TSNARE1: variants seen among roughly 807,000 people sequenced by gnomAD.
TSNARE1 encodes t-SNARE domain containing 1, also known as t-SNARE domain-containing protein 1.
TSNARE1 carries 49 observed loss-of-function variants against 62.0 expected under a neutral mutation model. That is an observed-to-expected ratio of 0.79 (90% CI 0.63 to 1.00). The LOEUF (loss-of-function observed/expected upper bound fraction) is 1.00. TSNARE1 is among the 50% of genes least tolerant of loss of function. The pLI, the probability that TSNARE1 is intolerant of heterozygous loss-of-function variation, is 0.00. For synonymous variants in TSNARE1, 328 were observed against 294.4 expected (o/e 1.11, Z -1.17); for missense variants, 755 against 700.1 (o/e 1.08, Z -0.88).
At chr8:142,394,536 A>G (rs1837766214) in intron 1 of TSNARE1, among the ~76,000 whole-genome samples, 1 of 152,204 alleles carries the variant, frequency 6.6e-6, no homozygotes, top group Non-Finnish European at 1.5e-5. Flanking sequence ...ACTCACCTGG[A>G]AGTGCCCCAC....
chr8:142,239,850 G>C (rs1172006494), intron 12 of TSNARE1, among the ~76,000 whole-genome samples: 2 of 152,218 alleles, frequency 1.3e-5, no homozygotes, highest in African/African-American at 4.8e-5. Context: ...TGGTGGATGG[G>C]ACCCAAAGAG....
At chr8:142,386,116 T>C (rs990289691) in intron 1 of TSNARE1, among the ~76,000 whole-genome samples, 3 of 152,204 alleles carry the variant, frequency 2.0e-5, no homozygotes, top group Non-Finnish European at 4.4e-5. Context: ...AGGACTCAGA[T>C]AATTCAGCCT....
chr8:142,295,995 G>C (rs542849679), intron 10 of TSNARE1, among the ~76,000 whole-genome samples: 2 of 131,046 alleles, frequency 1.5e-5, no homozygotes, highest in Non-Finnish European at 1.6e-5. Context: ...CACTGTCATG[G>C]GAGGGGGGAG....
chr8:142,352,464 C>A (rs556586518), intron 2 of TSNARE1, among the ~76,000 whole-genome samples: 1 of 152,388 alleles, frequency 6.6e-6, no homozygotes, highest in East Asian at 1.9e-4. Flanking sequence ...AGGAACGCCA[C>A]GCCCCGTGTA....
chr8:142,381,444 C>T (rs1027370766), intron 1 of TSNARE1, among the ~76,000 whole-genome samples: 1 of 151,618 alleles, frequency 6.6e-6, no homozygotes, highest in Non-Finnish European at 1.5e-5. Flanking sequence ...CCAATGGGCT[C>T]TCCCCTTGCT....
intron 9 of TSNARE1, among the ~76,000 whole-genome samples, chr8:142,302,937 T>A (rs1349527820): frequency 6.6e-6 from 1 of 151,788 alleles, no homozygotes. Flanking sequence ...CAGTGAAGGA[T>A]CCTCCGTCAG....
At chr8:142,309,725 C>T (rs971245418) in intron 9 of TSNARE1, among the ~76,000 whole-genome samples, 3 of 152,084 alleles carry the variant, frequency 2.0e-5, no homozygotes, top group Non-Finnish European at 4.4e-5. Flanking sequence ...CTGGGAACCT[C>T]GTAAGAATCT....
At chr8:142,361,026 G>C (rs1223346687) in intron 1 of TSNARE1, among the ~76,000 whole-genome samples, 2 of 152,214 alleles carry the variant, frequency 1.3e-5, no homozygotes, top group African/African-American at 4.8e-5. Context: ...GGGGCTTCCA[G>C]AACAGCTCCA....
chr8:142,257,774 C>A (rs568314729), intron 12 of TSNARE1, among the ~76,000 whole-genome samples: 15 of 152,110 alleles, frequency 9.9e-5, no homozygotes, highest in Non-Finnish European at 1.6e-4. Flanking sequence ...GCCAGGCCAC[C>A]CCTGCCAGAC....
At chr8:142,265,518 C>T (rs1819089719) in intron 12 of TSNARE1, among the ~76,000 whole-genome samples, 1 of 152,204 alleles carries the variant, frequency 6.6e-6, no homozygotes, top group African/African-American at 2.4e-5. Context: ...AGGGCTTTTC[C>T]ACTTTGGGGC....
intron 10 of TSNARE1, 131 bp from the exon 11 acceptor site, chr8:142,284,616 G>A: frequency 5.5e-6 from 4 of 721,674 alleles, no homozygotes; most frequent in Non-Finnish European, 7.3e-6. Context: ...GAGAACAGCT[G>A]GGGACCGGCT....
chr8:142,272,423 C>CCCACCCGT (rs1819700218), intron 12 of TSNARE1, among the ~76,000 whole-genome samples: 1 of 62,578 alleles, frequency 1.6e-5, no homozygotes, highest in Admixed American at 1.5e-4. Context: ...CTTCCATCCA[C>CCCACCCGT]CTATCCACCC....
intron 13 of TSNARE1, among the ~76,000 whole-genome samples, chr8:142,218,036 A>G (rs1235224188): frequency 2.3e-4 from 16 of 71,034 alleles, no homozygotes; most frequent in African/African-American, 2.8e-4. Context: ...AGGGCCCAGT[A>G]TGTGACCAGG....
chr8:142,259,653 T>C (rs527476056), intron 12 of TSNARE1, among the ~76,000 whole-genome samples: 38 of 152,272 alleles, frequency 2.5e-4, no homozygotes, highest in Admixed American at 1.1e-3. Context: ...GCAGCCTCCT[T>C]CGCCCCGGAC....
chr8:142,311,021 T>C (rs373690573), intron 9 of TSNARE1, among the ~76,000 whole-genome samples: 6 of 151,950 alleles, frequency 3.9e-5, no homozygotes, highest in South Asian at 2.1e-4. Context: ...ACAAAAATTA[T>C]GTATTTTTAG....
chr8:142,225,154 C>G (rs545050815), intron 13 of TSNARE1, among the ~76,000 whole-genome samples: 5 of 151,924 alleles, frequency 3.3e-5, no homozygotes, highest in South Asian at 2.1e-4. Context: ...CTGCCTCCCC[C>G]CTCCCCCCAG....
At chr8:142,305,678 C>G (rs1826552605) in intron 9 of TSNARE1, among the ~76,000 whole-genome samples, 2 of 152,196 alleles carry the variant, frequency 1.3e-5, no homozygotes, top group South Asian at 4.1e-4. Context: ...TTATTCTCCC[C>G]ACAAAGGCCC....
upstream of TSNARE1, chr8:142,404,259 G>GT (rs1490138040): frequency 6.6e-6 from 1 of 152,288 alleles, no homozygotes; most frequent in Non-Finnish European, 1.5e-5. Flanking sequence ...CTGTGCATGT[G>GT]TGCGCACACG....
intron 1 of TSNARE1, among the ~76,000 whole-genome samples, chr8:142,386,005 C>T (rs1837091747): frequency 6.6e-6 from 1 of 152,168 alleles, no homozygotes; most frequent in East Asian, 1.9e-4. Context: ...AGAGTCCTTG[C>T]ATCTAGGGGC....
Sources: allele counts gnomAD v4.1 joint callset (sites outside exome capture counted in the v4.1 genomes callset), GRCh38; gene constraint gnomAD v4.1.1; transcripts MANE v1.5; gene names NCBI Gene and HGNC (gene_info 2026-07-23, HGNC 2026-07-21).